PCDHGA4: variants seen among roughly 807,000 people sequenced by gnomAD.
PCDHGA4 encodes protocadherin gamma-A4.
Under a neutral mutation model 54.6 loss-of-function variants are expected in PCDHGA4, and 38 were observed. That is an observed-to-expected ratio of 0.70 (90% CI 0.54 to 0.91). PCDHGA4 has a LOEUF of 0.91. Among genes scored for constraint, PCDHGA4 ranks in the 40% least tolerant of loss-of-function variants. The pLI is 0.00. For missense variants in PCDHGA4, 1,298 were observed against 1,220.9 expected, an observed-to-expected ratio of 1.06 and a Z score of -0.94; for synonymous variants, 511 against 512.9, an observed-to-expected ratio of 1.00 and a Z score of 0.05.
Position 141,489,585 on chromosome 5 carries a change from G to C in PCDHGA4, c.2515-5222G>C. The C allele has an allele frequency of 6.2e-7, 1 of 1,614,090 alleles. No individual in the cohort carries two copies. On this transcript the variant is annotated intron_variant, in intron 1 of 3. Transcript: ENST00000571252. This position sits in a 1 kb window ranked among gnomAD's most constrained non-coding sequence, Gnocchi z 4.5. ...AGGTGGTGACTGAACACCCCCTGGA[G>C]CTAATCCGTGTAGAGGTAGAGATCC...
At chr5:141,439,151 C>T (rs563575567) in intron 1 of PCDHGA4, among the ~76,000 whole-genome samples, 1 of 150,892 alleles carries the variant, frequency 6.6e-6, no homozygotes, top group Admixed American at 6.6e-5. Context: ...TGAGATCACG[C>T]CACTGCACTC....
intron 1 of PCDHGA4, chr5:141,418,385 G>T: frequency 6.2e-7 from 1 of 1,613,930 alleles, no homozygotes; most frequent in Non-Finnish European, 8.5e-7. Context: ...AAGTCCTAAC[G>T]AGTATTTCTC....
At chr5:141,475,491 C>T (rs1321482409) in intron 1 of PCDHGA4, among the ~76,000 whole-genome samples, 2 of 152,202 alleles carry the variant, frequency 1.3e-5, no homozygotes, top group African/African-American at 4.8e-5. Flanking sequence ...AGAGATAAAA[C>T]TGAAATTATT....
rs528252306 is a variant in PCDHGA4 at position 141,372,422 on chromosome 5, C to G, written c.2514+14801C>G. On this transcript the variant is annotated intron_variant, in intron 1 of 3. Coordinates refer to ENST00000571252, the MANE Select transcript of PCDHGA4 (RefSeq NM_018917.4). ...TGCAAGAGATACAACCTGACCTTAG[C>G]GACCGCCCCACTCCCTCTGACCCTC... The G allele has an allele frequency of 2.2e-5, 36 of 1,614,042 alleles. 2 individuals carry two copies. The South Asian group carries it at 3.7e-4, about 17-fold the overall frequency.
intron 1 of PCDHGA4, chr5:141,376,527 A>T: frequency 6.2e-7 from 1 of 1,613,816 alleles, no homozygotes; most frequent in South Asian, 1.1e-5. Context: ...TTTCCGCCTA[A>T]GCGGGAAGAG....
At chr5:141,372,958 T>TACAA in intron 1 of PCDHGA4, 9 of 710,562 alleles carry the variant, frequency 1.3e-5, no homozygotes, top group South Asian at 2.1e-5. Context: ...AAATTCTTTG[T>TACAA]AGAATTTCCT....
At chr5:141,369,758 C>T (rs1027847213) in intron 1 of PCDHGA4, among the ~76,000 whole-genome samples, 1 of 152,184 alleles carries the variant, frequency 6.6e-6, no homozygotes, top group African/African-American at 2.4e-5. Context: ...TAAGAATACA[C>T]GTGAAGCTGA....
chr5:141,488,437 C>A (rs1327345486), intron 1 of PCDHGA4, among the ~76,000 whole-genome samples: 2 of 152,210 alleles, frequency 1.3e-5, no homozygotes, highest in Non-Finnish European at 2.9e-5. Context: ...CCTCTGACCA[C>A]CCTCCTGGGT....
intron 1 of PCDHGA4, chr5:141,420,076 TCCC>T: frequency 1.9e-6 from 3 of 1,613,956 alleles, no homozygotes; most frequent in Non-Finnish European, 2.5e-6. Context: ...GACCTGTGGG[TCCC>T]CCCAACTACA....
chr5:141,365,285 G>T (rs1215849562), intron 1 of PCDHGA4: 2 of 1,613,898 alleles, frequency 1.2e-6, no homozygotes, highest in South Asian at 1.1e-5. Flanking sequence ...CCTCATGGAA[G>T]TGGTAGCTCA....
At chr5:141,423,598 C>A in intron 1 of PCDHGA4, 1 of 1,612,940 alleles carries the variant, frequency 6.2e-7, no homozygotes, top group East Asian at 2.2e-5. Flanking sequence ...GAAAAGCGAG[C>A]CACTCTTGAT....
intron 1 of PCDHGA4, among the ~76,000 whole-genome samples, chr5:141,449,056 G>A (rs149442150): frequency 6.6e-6 from 1 of 152,068 alleles, no homozygotes; most frequent in African/African-American, 2.4e-5. Flanking sequence ...TCATAAATGA[G>A]CGCTATTGAA....
intron 2 of PCDHGA4, among the ~76,000 whole-genome samples, chr5:141,495,758 C>T (rs2099763543): frequency 6.6e-6 from 1 of 152,122 alleles, no homozygotes; most frequent in Non-Finnish European, 1.5e-5. Flanking sequence ...ATCTCTGCCT[C>T]CCTGTCCTTG....
intron 1 of PCDHGA4, among the ~76,000 whole-genome samples, chr5:141,450,112 T>G (rs2098669735): frequency 6.6e-6 from 1 of 150,618 alleles, no homozygotes; most frequent in Non-Finnish European, 1.5e-5. Context: ...GTTCAAATGA[T>G]TCTCCTGCCT....
At chr5:141,470,236 T>C (rs1232874196) in intron 1 of PCDHGA4, among the ~76,000 whole-genome samples, 1 of 152,210 alleles carries the variant, frequency 6.6e-6, no homozygotes, top group African/African-American at 2.4e-5. Context: ...ACCAAACCCT[T>C]GAATGTCCCA....
chr5:141,405,215 C>T, intron 1 of PCDHGA4: 1 of 1,614,078 alleles, frequency 6.2e-7, no homozygotes, highest in Non-Finnish European at 8.5e-7. Flanking sequence ...GACCTATTCT[C>T]AGGAGTTCTC....
chr5:141,388,812 G>A, intron 1 of PCDHGA4: 3 of 1,613,934 alleles, frequency 1.9e-6, no homozygotes, highest in Non-Finnish European at 2.5e-6. Context: ...TTTTGAAGAA[G>A]TCAAAGAATA....
At chr5:141,420,747 A>T (rs2096522944) in intron 1 of PCDHGA4, among the ~76,000 whole-genome samples, 1 of 152,220 alleles carries the variant, frequency 6.6e-6, no homozygotes, top group South Asian at 2.1e-4. Flanking sequence ...ATTGGAACCA[A>T]CTACAACCTA....
At chr5:141,481,649 C>G (rs1199734660) in intron 1 of PCDHGA4, among the ~76,000 whole-genome samples, 1 of 152,012 alleles carries the variant, frequency 6.6e-6, no homozygotes, top group African/African-American at 2.4e-5. Flanking sequence ...GAAACTTCAT[C>G]TCTACTAATA....
Sources: gnomAD v4.1 joint callset for allele counts (sites outside exome capture counted in the v4.1 genomes callset) on GRCh38, gnomAD v4.1.1 for gene constraint, Gnocchi (gnomAD v3.1) non-coding constraint, MANE v1.5 for transcripts, NCBI Gene and HGNC (gene_info 2026-07-23, HGNC 2026-07-21) for gene names.